Variants in TMEM25 observed in about 807,000 individuals in gnomAD.
TMEM25 encodes transmembrane protein 25, also known as 0610039J01Rik.
Under a neutral mutation model 37.0 loss-of-function variants are expected in TMEM25, and 36 were observed. The observed-to-expected ratio is 0.97, with a 90% CI of 0.75 to 1.28. The LOEUF is 1.28. Among genes scored for constraint, TMEM25 ranks in the 50% most tolerant of loss-of-function variants. The pLI, the probability that TMEM25 is intolerant of heterozygous loss-of-function variation, is 0.00. For synonymous variants in TMEM25, 197 were observed against 203.7 expected (o/e 0.97, Z 0.28); for missense variants, 444 against 477.9 (o/e 0.93, Z 0.66).
chr11:118,545,355 G>A, intron 8 of TMEM25: 1 of 1,300,718 alleles, frequency 7.7e-7, no homozygotes, highest in Non-Finnish European at 1.1e-6. Context: ...CAGAACAGTA[G>A]AAACTATAGT....
At position 118,535,730 on chromosome 11, in the gene TMEM25, T is replaced by G; in HGVS notation, c.*1150T>G. The G allele has an allele frequency of 1.4e-6, 2 of 1,380,696 alleles. No homozygotes were observed. Among genetic ancestry groups the G allele is most frequent in the Non-Finnish European group, 1.9e-6 (2 of 1,069,146 alleles). The allele number at this position is 1,380,696 out of a possible 1,614,324, so 85.5% of individuals were successfully genotyped here. ...TTGGAAATTAATATAGTACAGAATA[T>G]ATTTTTCCCTTGTTGAGATCTTCTT... On this transcript the variant is annotated 3_prime_UTR_variant, in exon 9 of 9. Transcript: ENST00000313236.
downstream of TMEM25, among the ~76,000 whole-genome samples, chr11:118,538,818 G>A (rs1235177683): frequency 6.6e-6 from 1 of 151,462 alleles, no homozygotes; most frequent in Non-Finnish European, 1.5e-5. Flanking sequence ...GCTTGTACCA[G>A]GAGGCAGAGG....
intron 8 of TMEM25, chr11:118,545,048 G>T: frequency 7.4e-7 from 1 of 1,357,336 alleles, no homozygotes; most frequent in Non-Finnish European, 1.0e-6. Flanking sequence ...GAGTATTAGG[G>T]ATATGCTAAT....
chr11:118,532,258 C>A lies in TMEM25; in HGVS notation c.179C>A (p.Thr60Asn), dbSNP rs781900792. The A allele has an allele frequency of 6.2e-6, 10 of 1,613,986 alleles. No homozygotes were observed. Among genetic ancestry groups the A allele is most frequent in the Admixed American group, 3.3e-5 (2 of 60,024 alleles). The part of the protein sequence containing the change: ...FTCRVAGGPG[T>N]PRLAWYLDGQ... ...TGCCGGGTGGCAGGGGGGCCTGGCA[C>A]CCCCAGATTGGCCTGGTATCTGGAT... Residue 60 changes from threonine (T) to asparagine (N), a missense_variant, in exon 3 of 9, where the codon ACC (threonine) becomes AAC (asparagine). Thr to Asn is a moderately conservative substitution (Grantham distance 65). Coordinates refer to ENST00000313236, the MANE Select transcript of TMEM25 (RefSeq NM_032780.4).
At position 118,535,109 on chromosome 11, in the gene TMEM25, CCT is replaced by C; in HGVS notation, c.*530_*531del. 2.0e-6 allele frequency: 2 copies of C among 1,018,136 alleles called. No individual in the cohort carries two copies. Among genetic ancestry groups the C allele is most frequent in the Non-Finnish European group, 2.3e-6 (2 of 851,186 alleles). The allele number at this position is 1,018,136 out of a possible 1,614,324, so 63.1% of individuals were successfully genotyped here. ...ATTGCCCTTTGCACAGAAACCAACC[CCT>C]GACCCAGCGGTACCGGCCAAGCACA... On this transcript the variant is annotated 3_prime_UTR_variant, in exon 9 of 9. Coordinates refer to ENST00000313236, the MANE Select transcript of TMEM25 (RefSeq NM_032780.4).
chr11:118,542,516 C>T (rs1380876184), intron 8 of TMEM25, among the ~76,000 whole-genome samples: 2 of 152,116 alleles, frequency 1.3e-5, no homozygotes, highest in African/African-American at 4.8e-5. Context: ...TGCCTATAAT[C>T]CCAGCACTTT....
rs782137705 is a variant in TMEM25, at chr11:118,545,465, G to A, written c.1028-654G>A. 6.2e-7 allele frequency: 1 copy of A among 1,613,556 alleles called. No individual in the cohort carries two copies. Among genetic ancestry groups the A allele is most frequent in the East Asian group, 2.2e-5 (1 of 44,882 alleles). Reference sequence around the variant, plus strand: ...AAGAGCAGATGGAGGGACTGGATCCGACTCTTGTAGACAGGGATGTCTAGA... The same window carrying A: ...AAGAGCAGATGGAGGGACTGGATCCAACTCTTGTAGACAGGGATGTCTAGA... On this transcript the variant is annotated intron_variant, in intron 8 of 8. Coordinates refer to the TMEM25 transcript ENST00000354284.
intron 8 of TMEM25, chr11:118,545,674 C>G: frequency 8.2e-7 from 1 of 1,225,378 alleles, no homozygotes. Context: ...AAGAGCACAA[C>G]GGGCTTAAAG....
downstream of TMEM25, among the ~76,000 whole-genome samples, chr11:118,540,069 G>A (rs1160759392): frequency 6.6e-6 from 1 of 150,926 alleles, no homozygotes; most frequent in African/African-American, 2.4e-5. Flanking sequence ...GGTGGGAAAA[G>A]CCTAGAAATG....
At chr11:118,545,660 G>A in intron 8 of TMEM25, 2 of 1,157,280 alleles carry the variant, frequency 1.7e-6, no homozygotes, top group South Asian at 1.3e-5. Flanking sequence ...TTTGAGTGCT[G>A]CCAAAGAGCA....
At position 118,534,163 on chromosome 11, in the gene TMEM25, A is replaced by G; in HGVS notation, c.937+34A>G. 1 of 1,613,474 alleles carries G rather than the reference A, an allele frequency of 6.2e-7. No homozygotes were observed. Among genetic ancestry groups the G allele is most frequent in the Non-Finnish European group, 8.5e-7 (1 of 1,179,436 alleles). On this transcript the variant is annotated intron_variant, in intron 7 of 8. Transcript: ENST00000313236. The surrounding 1 kb of genome is among the most constrained non-coding windows in gnomAD (Gnocchi z 4.6). ...AGGGCCCTGCTCTTTGCCCCTGCTT[A>G]ATCTCCAGAAGTGCTTCTGAGAAAA...
At chr11:118,541,647 C>T (rs1449418571) in intron 8 of TMEM25, among the ~76,000 whole-genome samples, 1 of 152,028 alleles carries the variant, frequency 6.6e-6, no homozygotes, top group Admixed American at 6.5e-5. Flanking sequence ...TGGTATCACA[C>T]CAGGTAGTGA....
rs782029967 is a variant in TMEM25 at position 118,532,281 on chromosome 11, G to GCC, written c.202_203insCC (p.Asp68AlafsTer14). On this transcript the variant is annotated frameshift_variant, in exon 3 of 9. Coordinates refer to ENST00000313236, the MANE Select transcript of TMEM25 (RefSeq NM_032780.4). LOFTEE classifies it high-confidence loss of function. ...CACCCCCAGATTGGCCTGGTATCTGGATGGACAGCTGCAGGAGGCCAGCAC... is the reference window on the plus strand; with the variant it reads ...CACCCCCAGATTGGCCTGGTATCTGGCCATGGACAGCTGCAGGAGGCCAGCAC... 6.8e-6 allele frequency: 11 copies of GCC among 1,614,192 alleles called. No homozygotes were observed. Among genetic ancestry groups the GCC allele is most frequent in the Non-Finnish European group, 9.3e-6 (11 of 1,180,032 alleles).
intron 8 of TMEM25, chr11:118,545,418 C>A: frequency 6.2e-7 from 1 of 1,611,284 alleles, no homozygotes; most frequent in Non-Finnish European, 8.5e-7. Context: ...CCTGTGAGTT[C>A]TTGAATTCTG....
chr11:118,541,844 A>C (rs1951583018), intron 8 of TMEM25, among the ~76,000 whole-genome samples: 1 of 152,038 alleles, frequency 6.6e-6, no homozygotes, highest in African/African-American at 2.4e-5. Context: ...TGCAGCCTCG[A>C]CCTCCCGGGC....
downstream of TMEM25, among the ~76,000 whole-genome samples, chr11:118,540,111 GGTTTTT>G (rs1449619590): frequency 4.0e-5 from 6 of 151,588 alleles, no homozygotes; most frequent in African/African-American, 1.5e-4. Context: ...TTTATCTTCT[GGTTTTT>G]GTTTTTGTTT....
At chr11:118,532,115 T>G in intron 2 of TMEM25, 35 bp from the exon 3 acceptor site, 1 of 1,507,732 alleles carries the variant, frequency 6.6e-7, no homozygotes, top group South Asian at 1.3e-5. Flanking sequence ...CAACCGTGCC[T>G]GAGCCCTTCC....
downstream of TMEM25, among the ~76,000 whole-genome samples, chr11:118,539,182 T>G (rs1363726364): frequency 1.3e-5 from 2 of 148,718 alleles, no homozygotes; most frequent in Non-Finnish European, 3.0e-5. Context: ...TTTTTTTTTT[T>G]TTTTGAGACG....
chr11:118,535,529 C>G lies in TMEM25; in HGVS notation c.*949C>G. ...TCAGCATGTCTCCTCCACCACGGGA[C>G]CCCAGCCCTGACCAACCCATGGTTG... On this transcript the variant is annotated 3_prime_UTR_variant, in exon 9 of 9. Coordinates refer to ENST00000313236, the MANE Select transcript of TMEM25 (RefSeq NM_032780.4). The G allele has an allele frequency of 6.5e-7, 1 of 1,535,576 alleles. No individual in the cohort carries two copies. Among genetic ancestry groups the G allele is most frequent in the Non-Finnish European group, 8.7e-7 (1 of 1,146,570 alleles).
Sources: gnomAD v4.1 joint callset for allele counts (sites outside exome capture counted in the v4.1 genomes callset) on GRCh38, gnomAD v4.1.1 for gene constraint, Gnocchi (gnomAD v3.1) non-coding constraint, MANE v1.5 for transcripts, NCBI Gene and HGNC (gene_info 2026-07-23, HGNC 2026-07-21) for gene names.